TAPBPL: variants seen among roughly 807,000 people sequenced by gnomAD.
TAPBPL encodes the protein tapasin-related protein.
A neutral mutation model predicts 44.8 loss-of-function variants in TAPBPL; 32 were observed. The ratio of observed to expected loss-of-function variants is 0.71; its 90% CI spans 0.54 to 0.96. The LOEUF (loss-of-function observed/expected upper bound fraction) is 0.96, where lower values mean the gene tolerates loss of function less well. Among genes scored for constraint, TAPBPL ranks in the 40% least tolerant of loss-of-function variants. The probability of loss-of-function intolerance (pLI) is 0.00; values close to 1 mark genes in which losing one functional copy is unlikely to be tolerated. For synonymous variants in TAPBPL, 230 were observed against 240.7 expected, an observed-to-expected ratio of 0.96 and a Z score of 0.41; for missense variants, 520 against 586.6, an observed-to-expected ratio of 0.89 and a Z score of 1.17.
chr12:6,464,909 G>A (rs764666515), downstream of TAPBPL: 1 of 1,613,978 alleles, frequency 6.2e-7, no homozygotes, highest in Non-Finnish European at 8.5e-7. Context: ...CTACCACGAT[G>A]ATGGCACAGA....
chr12:6,458,093 T>C (rs1264299169), intron 4 of TAPBPL, among the ~76,000 whole-genome samples: 2 of 152,110 alleles, frequency 1.3e-5, no homozygotes, highest in Non-Finnish European at 2.9e-5. Flanking sequence ...TCCTTTAAAA[T>C]CTCTGGCTTA....
chr12:6,461,204 C>T, intron 6 of TAPBPL: 1 of 1,291,996 alleles, frequency 7.7e-7, no homozygotes, highest in Non-Finnish European at 9.9e-7. Flanking sequence ...GACTCTAAGT[C>T]AAGTCACAGA....
At chr12:6,466,307 G>A, downstream of TAPBPL, 2 of 1,614,140 alleles carry the variant, frequency 1.2e-6, no homozygotes, top group African/African-American at 2.7e-5. Flanking sequence ...CCCACCTGGG[G>A]CAGTCCCTTC....
At chr12:6,464,040 C>A, downstream of TAPBPL, 1 of 1,296,080 alleles carries the variant, frequency 7.7e-7, no homozygotes, top group Non-Finnish European at 1.0e-6. Flanking sequence ...GAGCTGCCAT[C>A]TTCCCAGCCC....
downstream of TAPBPL, chr12:6,470,794 C>G: frequency 1.8e-6 from 1 of 560,298 alleles, no homozygotes; most frequent in Non-Finnish European, 3.2e-6. Context: ...CAGGCCTAGC[C>G]CGCCCCGCCC....
Position 6,453,270 on chromosome 12 carries a change from G to A in TAPBPL, c.268G>A (p.Asp90Asn), listed in dbSNP as rs767346246. ...CCAAGGGGGCACACTGGCCCAAGAT[G>A]ACCCACCTATTATCTTTGAGGCCTC... ...DFQGGTLAQD[D>N]PPIIFEASVD... The change falls in exon 2 of 7, where the codon GAC (aspartate) becomes AAC (asparagine). Residue 90 changes from aspartate (D) to asparagine (N), a missense_variant. Coordinates refer to ENST00000266556, the MANE Select transcript of TAPBPL (RefSeq NM_018009.5). The surrounding 1 kb of genome is among the most constrained non-coding windows in gnomAD (Gnocchi z 4.8). 1.2e-6 allele frequency: 2 copies of A among 1,613,886 alleles called. No homozygotes were observed. The highest frequency in any genetic ancestry group is 1.7e-6 in the Non-Finnish European group (2 of 1,179,984).
chr12:6,462,611 C>T (rs952054507), downstream of TAPBPL: 22 of 608,698 alleles, frequency 3.6e-5, no homozygotes, highest in East Asian at 4.2e-4. Context: ...AGGCCAACTA[C>T]ACCTGGTGAG....
chr12:6,457,262 G>C, intron 3 of TAPBPL, 144 bp from the exon 4 acceptor site: 1 of 728,598 alleles, frequency 1.4e-6, no homozygotes, highest in Non-Finnish European at 2.2e-6. Flanking sequence ...TTTCTTTGTG[G>C]TTCCATGTGA....
downstream of TAPBPL, chr12:6,466,493 G>T: frequency 1.2e-6 from 1 of 830,024 alleles, no homozygotes; most frequent in Non-Finnish European, 1.8e-6. Flanking sequence ...GGCCAGCCTG[G>T]GCATCATAGC....
chr12:6,464,459 G>A (rs1296062499), downstream of TAPBPL: 1 of 1,559,306 alleles, frequency 6.4e-7, no homozygotes, highest in Non-Finnish European at 8.7e-7. Context: ...CAGGGAAGGG[G>A]TGGTACATTC....
chr12:6,457,479 C>T lies in TAPBPL; in HGVS notation c.639C>T (p.Gly213=), dbSNP rs1243526057. 11 of 1,614,110 alleles carry T rather than the reference C, an allele frequency of 6.8e-6. No homozygotes were observed. The highest frequency in any genetic ancestry group is 8.5e-6 in the Non-Finnish European group (10 of 1,180,050). Residue 213 remains glycine, a synonymous_variant, in exon 4 of 7, where the codon GGC becomes GGT. Transcript: ENST00000266556. ...GGTCCTCAGCCTCCTTGGACTGTGG[C>T]TTCTCCATGGCACCGGGCTTGGACC... The part of the protein sequence containing the change: ...LLGSSASLDC[G]FSMAPGLDLI...
At position 6,453,126 on chromosome 12, in the gene TAPBPL, G is replaced by A. The variant is rs763698777; in HGVS notation, c.124G>A (p.Ala42Thr). ...AVDVVLDCFL[A>T]KDGAHRGALA... The stretch of plus-strand genomic sequence containing the variant: ...GGACGTGGTCCTAGACTGCTTCCTG[G>A]CGAAGGACGGTGCGCACCGTGGAGC... The change falls in exon 2 of 7, where the codon GCG becomes ACG. Residue 42 changes from alanine (A) to threonine (T), a missense_variant. Physicochemically the swap from Ala to Thr is moderately conservative, Grantham distance 58. Coordinates refer to ENST00000266556, the MANE Select transcript of TAPBPL (RefSeq NM_018009.5). The surrounding 1 kb of genome is among the most constrained non-coding windows in gnomAD (Gnocchi z 4.8). 6.3e-7 allele frequency: 1 copy of A among 1,589,808 alleles called. No individual in the cohort carries two copies. The highest frequency in any genetic ancestry group is 1.3e-5 in the African/African-American group (1 of 74,782).
chr12:6,457,399 T>G lies in TAPBPL; in HGVS notation c.566-7T>G. Reference sequence around the variant, plus strand: ...CCCACAAATCACCCCTCTTTTCCTCTTCACAGTGGAGTTCCAGGTGATGAC... The same window carrying G: ...CCCACAAATCACCCCTCTTTTCCTCGTCACAGTGGAGTTCCAGGTGATGAC... On this transcript the variant is annotated splice_polypyrimidine_tract_variant and splice_region_variant and intron_variant, in intron 3 of 6. Transcript: ENST00000266556. The G allele has an allele frequency of 6.2e-7, 1 of 1,609,460 alleles. No homozygotes were observed.
downstream of TAPBPL, chr12:6,470,683 T>G (rs1945754084): frequency 2.0e-6 from 2 of 982,464 alleles, no homozygotes; most frequent in African/African-American, 1.6e-5. Flanking sequence ...TTACTGCAGC[T>G]GCCGCGCCGG....
chr12:6,453,469 G>A lies in TAPBPL; in HGVS notation c.318G>A (p.Gln106=), dbSNP rs749852582. The change falls in exon 3 of 7, where the codon CAG becomes CAA. Residue 106 remains glutamine, a synonymous_variant. Coordinates refer to ENST00000266556, the MANE Select transcript of TAPBPL (RefSeq NM_018009.5). The surrounding 1 kb of genome is among the most constrained non-coding windows in gnomAD (Gnocchi z 4.8). ...EASVDLVQIP[Q]AEALLHADCS... ...CAGTGGACCTGGTCCAGATTCCCCA[G>A]GCCGAGGCCTTGCTCCATGCTGACT... The A allele has an allele frequency of 1.9e-6, 3 of 1,614,134 alleles. No individual in the cohort carries two copies. Among genetic ancestry groups the A allele is most frequent in the South Asian group, 1.1e-5 (1 of 91,090 alleles).
At position 6,462,076 on chromosome 12, in the gene TAPBPL, C is replaced by A. The variant is rs1463811816; in HGVS notation, c.1334C>A (p.Thr445Asn). 6.2e-7 allele frequency: 1 copy of A among 1,613,822 alleles called. No individual in the cohort carries two copies. ...LGLLQAERWE[T>N]TSCADTQSSH... Reference sequence around the variant, plus strand: ...CTGCTTCAGGCTGAACGCTGGGAGACCACTTCCTGTGCTGACACACAGAGC... The same window carrying A: ...CTGCTTCAGGCTGAACGCTGGGAGAACACTTCCTGTGCTGACACACAGAGC... The change falls in exon 7 of 7, where the codon ACC becomes AAC. Residue 445 changes from threonine to asparagine, a missense_variant. Coordinates refer to ENST00000266556, the MANE Select transcript of TAPBPL (RefSeq NM_018009.5).
At chr12:6,470,266 C>T (rs1285507771), downstream of TAPBPL, among the ~76,000 whole-genome samples, 1 of 152,028 alleles carries the variant, frequency 6.6e-6, no homozygotes, top group Admixed American at 6.6e-5. Flanking sequence ...CAGAATGAGG[C>T]GCCACTCAGA....
In TAPBPL at chr12:6,458,826, C is replaced by G; in HGVS notation, c.1086C>G (p.Thr362=). 1 of 1,614,144 alleles carries G rather than the reference C, an allele frequency of 6.2e-7. No individual in the cohort carries two copies. The change falls in exon 5 of 7, where the codon ACC becomes ACG. Residue 362 remains threonine (T), a synonymous_variant. Transcript: ENST00000266556. ...GCCTCAGGCAAAGCGTGGCAGGCAC[C>G]TACAGCATCTCCTCCTCTCTCACCG... ...FSSLRQSVAG[T]YSISSSLTAE...
At chr12:6,460,464 A>C (rs967683058) in intron 5 of TAPBPL, among the ~76,000 whole-genome samples, 1 of 150,586 alleles carries the variant, frequency 6.6e-6, no homozygotes, top group African/African-American at 2.4e-5. Context: ...ACAGGGTTTC[A>C]CCATGTTGCC....
Sources: gnomAD v4.1 joint callset for allele counts (sites outside exome capture counted in the v4.1 genomes callset) on GRCh38, gnomAD v4.1.1 for gene constraint, Gnocchi (gnomAD v3.1) non-coding constraint, MANE v1.5 for transcripts, NCBI Gene and HGNC (gene_info 2026-07-23, HGNC 2026-07-21) for gene names.